Variants in LRBA observed in about 807,000 individuals in gnomAD.
LRBA encodes the protein lipopolysaccharide-responsive and beige-like anchor protein.
Under a neutral mutation model 330.0 loss-of-function variants are expected in LRBA, and 176 were observed. The observed-to-expected ratio is 0.53, with a 90% CI of 0.47 to 0.60. The LOEUF is 0.60. LRBA is among the 20% of genes least tolerant of loss of function. The pLI is 0.00. For synonymous variants in LRBA, 1,230 were observed against 1,193.0 expected (o/e 1.03, Z -0.64); for missense variants, 3,259 against 3,444.8 (o/e 0.95, Z 1.35).
At chr4:150,653,918 A>T (rs954918741) in intron 37 of LRBA, among the ~76,000 whole-genome samples, 3 of 152,182 alleles carry the variant, frequency 2.0e-5, no homozygotes, top group Non-Finnish European at 2.9e-5. Flanking sequence ...ATTAGAATTA[A>T]GTTCAGAGTA....
intron 40 of LRBA, among the ~76,000 whole-genome samples, chr4:150,545,178 T>A (rs1561329560): frequency 6.6e-6 from 1 of 152,198 alleles, no homozygotes; most frequent in African/African-American, 2.4e-5. Context: ...ATCTTTGTTA[T>A]TAATACCATA....
chr4:150,771,401 C>T (rs1736547585), intron 34 of LRBA, among the ~76,000 whole-genome samples: 1 of 152,194 alleles, frequency 6.6e-6, no homozygotes, highest in Non-Finnish European at 1.5e-5. Context: ...GGGAACATAG[C>T]AAGGCCAGTG....
chr4:150,436,667 T>C (rs1691457346), intron 45 of LRBA, 57 bp downstream of exon 45: 2 of 1,469,700 alleles, frequency 1.4e-6, no homozygotes, highest in African/African-American at 1.4e-5. Flanking sequence ...AATTTTTGCA[T>C]ATCCTTCACA....
intron 2 of LRBA, among the ~76,000 whole-genome samples, chr4:150,959,493 G>C (rs911025158): frequency 6.7e-6 from 1 of 149,306 alleles, no homozygotes; most frequent in African/African-American, 2.6e-5. Flanking sequence ...TAGTAGGGTT[G>C]TACCAAAAGG....
At chr4:150,273,616 A>AGAT (rs1426888548) in intron 56 of LRBA, among the ~76,000 whole-genome samples, 2 of 152,118 alleles carry the variant, frequency 1.3e-5, no homozygotes, top group East Asian at 3.8e-4. Context: ...GGATGGAGGA[A>AGAT]GATTTTCCAA....
chr4:150,897,825 A>G lies in LRBA; in HGVS notation c.1925-7T>C, dbSNP rs770307356. 3 of 1,593,006 alleles carry G rather than the reference A, an allele frequency of 1.9e-6. No homozygotes were observed. In the South Asian group the frequency reaches 3.3e-5, roughly 18 times the overall value. ...TGATTAGGTCGCGGTCCATCTTTTAAAAAAATATACACATACACATTTAGT... is the reference window on the plus strand; with the variant it reads ...TGATTAGGTCGCGGTCCATCTTTTAGAAAAATATACACATACACATTTAGT... On this transcript the variant is annotated splice_region_variant and splice_polypyrimidine_tract_variant and intron_variant, in intron 14 of 56. Transcript: ENST00000651943.
intron 55 of LRBA, 114 bp from the exon 56 acceptor site, chr4:150,278,118 G>GAT: frequency 1.2e-6 from 1 of 843,954 alleles, no homozygotes; most frequent in East Asian, 2.8e-5. Context: ...AAGAGAGAGA[G>GAT]ATCCTCAGGA....
intron 44 of LRBA, among the ~76,000 whole-genome samples, chr4:150,453,475 C>T (rs540948058): frequency 7.2e-5 from 11 of 152,206 alleles, no homozygotes; most frequent in African/African-American, 2.6e-4. Flanking sequence ...AAAAAATGAA[C>T]CTTAACTCTT....
chr4:150,416,421 A>C (rs898233477), intron 46 of LRBA, among the ~76,000 whole-genome samples: 17 of 152,216 alleles, frequency 1.1e-4, no homozygotes, highest in African/African-American at 4.1e-4. Flanking sequence ...GGACAAGGTC[A>C]GTATGAACTT....
intron 33 of LRBA, among the ~76,000 whole-genome samples, chr4:150,800,542 T>C (rs1356646598): frequency 6.6e-6 from 1 of 152,202 alleles, no homozygotes; most frequent in Non-Finnish European, 1.5e-5. Flanking sequence ...AAACAAATAA[T>C]AAACCTGTAA....
intron 36 of LRBA, among the ~76,000 whole-genome samples, chr4:150,725,980 GAAAC>G (rs1395652290): frequency 6.6e-6 from 1 of 151,942 alleles, no homozygotes; most frequent in African/African-American, 2.4e-5. Context: ...ACCTCAAACT[GAAAC>G]AAATAAAATG....
intron 38 of LRBA, among the ~76,000 whole-genome samples, chr4:150,594,498 G>C (rs1483619973): frequency 6.6e-6 from 1 of 151,972 alleles, no homozygotes; most frequent in African/African-American, 2.4e-5. Context: ...ATTGGATGAA[G>C]TCAGAATATA....
intron 43 of LRBA, among the ~76,000 whole-genome samples, chr4:150,468,118 G>A (rs772645277): frequency 1.3e-5 from 2 of 151,954 alleles, no homozygotes; most frequent in African/African-American, 4.8e-5. Flanking sequence ...TCACTTGAAA[G>A]CCTGCCCCAA....
chr4:150,807,032 AT>A (rs955061796), intron 32 of LRBA, among the ~76,000 whole-genome samples: 4 of 150,546 alleles, frequency 2.7e-5, no homozygotes, highest in South Asian at 2.1e-4. Context: ...ATATATAAAA[AT>A]ATATTAATAT....
At chr4:150,410,039 C>T (rs11736546) in intron 47 of LRBA, among the ~76,000 whole-genome samples, 1 of 151,734 alleles carries the variant, frequency 6.6e-6, no homozygotes, top group East Asian at 1.9e-4. Context: ...GAAAAGGAAA[C>T]AATAACAACA....
chr4:150,338,201 T>A (rs997733467), intron 48 of LRBA, among the ~76,000 whole-genome samples: 1 of 152,172 alleles, frequency 6.6e-6, no homozygotes, highest in Non-Finnish European at 1.5e-5. Flanking sequence ...TACTTTCATG[T>A]TGAGGTCACT....
chr4:150,729,257 T>A (rs1033964444), intron 36 of LRBA, among the ~76,000 whole-genome samples: 2 of 152,196 alleles, frequency 1.3e-5, no homozygotes, highest in Non-Finnish European at 2.9e-5. Flanking sequence ...AAGGCTGCAG[T>A]GAGCCATGAC....
At chr4:150,912,004 A>T (rs1276535867) in intron 9 of LRBA, among the ~76,000 whole-genome samples, 1 of 151,954 alleles carries the variant, frequency 6.6e-6, no homozygotes, top group East Asian at 1.9e-4. Flanking sequence ...ATTCTCTTAT[A>T]ATTCTTTCTA....
At chr4:150,627,587 G>T (rs1776981717) in intron 37 of LRBA, among the ~76,000 whole-genome samples, 7 of 151,846 alleles carry the variant, frequency 4.6e-5, no homozygotes, top group Admixed American at 4.6e-4. Flanking sequence ...AGTATATTCA[G>T]CCCTCATAAG....
Sources: gnomAD v4.1 joint callset for allele counts (sites outside exome capture counted in the v4.1 genomes callset) on GRCh38, gnomAD v4.1.1 for gene constraint, MANE v1.5 for transcripts, NCBI Gene and HGNC (gene_info 2026-07-23, HGNC 2026-07-21) for gene names.